Variants in BTN3A2 observed in about 807,000 individuals in gnomAD.
BTN3A2 encodes the protein butyrophilin subfamily 3 member A2.
BTN3A2 carries 25 observed loss-of-function variants against 37.6 expected under a neutral mutation model. The ratio of observed to expected loss-of-function variants is 0.66; its 90% CI spans 0.48 to 0.93. The LOEUF (loss-of-function observed/expected upper bound fraction) is 0.93, where lower values mean the gene tolerates loss of function less well. Among genes scored for constraint, BTN3A2 ranks in the 40% least tolerant of loss-of-function variants. The pLI, the probability that BTN3A2 is intolerant of heterozygous loss-of-function variation, is 0.00. For synonymous variants in BTN3A2, 122 were observed against 159.4 expected, an observed-to-expected ratio of 0.77 and a Z score of 1.77; for missense variants, 266 against 410.9, an observed-to-expected ratio of 0.65 and a Z score of 3.05.
chr6:26,377,251 T>C lies in BTN3A2; in HGVS notation c.*1489T>C, dbSNP rs199952332. On this transcript the variant is annotated 3_prime_UTR_variant, in exon 11 of 11. Transcript: ENST00000377708. ...CAGCCTGGAGCTAAGGGTCTCACCC[T>C]CCACAACAGCCAGTCAGAACCATAA... is the stretch of plus-strand genomic sequence containing the variant. 3 of 842,410 alleles carry C rather than the reference T, an allele frequency of 3.6e-6. No homozygotes were observed. 52.2% of individuals were successfully genotyped at this position (842,410 alleles called of 1,614,324 possible).
Position 26,377,149 on chromosome 6 carries a change from A to C in BTN3A2, c.*1387A>C. ...GACCTAGTGCCTGATCATTCCCTGG[A>C]GATACCACTGACCCCAGGCTTAGCT... On this transcript the variant is annotated 3_prime_UTR_variant, in exon 11 of 11. Transcript: ENST00000377708. 7.8e-7 allele frequency: 1 copy of C among 1,276,388 alleles called. No individual in the cohort carries two copies. The highest frequency in any genetic ancestry group is 1.5e-5 in the African/African-American group (1 of 68,674). The allele number at this position is 1,276,388 out of a possible 1,614,324, so 79.1% of individuals were successfully genotyped here.
intron 10 of BTN3A2, chr6:26,375,541 C>A: frequency 8.0e-7 from 1 of 1,245,140 alleles, no homozygotes; most frequent in Non-Finnish European, 1.1e-6. Flanking sequence ...AACACAGCAG[C>A]AAACCAGAGG....
chr6:26,372,743 A>T, intron 5 of BTN3A2, 154 bp from the exon 6 acceptor site: 1 of 836,710 alleles, frequency 1.2e-6, no homozygotes, highest in Non-Finnish European at 1.8e-6. Flanking sequence ...TCTTATCTAT[A>T]GTCCTCTGAG....
At position 26,370,441 on chromosome 6, in the gene BTN3A2, G is replaced by A. The variant is rs1458506669; in HGVS notation, c.553G>A (p.Glu185Lys). 6 of 1,614,102 alleles carry A rather than the reference G, an allele frequency of 3.7e-6. No homozygotes were observed. Among genetic ancestry groups the A allele is most frequent in the Admixed American group, 3.3e-5 (2 of 60,006 alleles). The change falls in exon 5 of 11, where the codon GAG becomes AAG. Residue 185 changes from glutamate (E) to lysine (K), a missense_variant. Glu to Lys is a moderately conservative substitution (Grantham distance 56). Coordinates refer to ENST00000377708, the MANE Select transcript of BTN3A2 (RefSeq NM_007047.5). The stretch of plus-strand genomic sequence containing the variant: ...AATACAGTGGAGCAACGCCAAGGGA[G>A]AGAACATCCCAGCTGTGGAAGCACC... ...PQIQWSNAKG[E>K]NIPAVEAPVV... is the part of the protein sequence containing the mutation.
chr6:26,370,703 A>C (rs1388124486), intron 5 of BTN3A2, 100 bp downstream of exon 5: 1 of 1,556,624 alleles, frequency 6.4e-7, no homozygotes, highest in Non-Finnish European at 8.7e-7. Context: ...CTCTGCACTG[A>C]ATATAAGGCC....
At chr6:26,373,192 T>G in intron 6 of BTN3A2, 84 bp from the exon 7 acceptor site, 4 of 1,603,110 alleles carry the variant, frequency 2.5e-6, no homozygotes, top group Admixed American at 1.7e-5. Context: ...GCATCATGTT[T>G]AAGGTTTATT....
At chr6:26,369,242 T>C (rs893425994) in intron 4 of BTN3A2, among the ~76,000 whole-genome samples, 15 of 152,230 alleles carry the variant, frequency 9.9e-5, no homozygotes, top group African/African-American at 3.6e-4. Context: ...GTGTAACAGA[T>C]GGCTTCTGTT....
intron 1 of BTN3A2, among the ~76,000 whole-genome samples, chr6:26,365,568 A>G (rs1761988392): frequency 6.6e-6 from 1 of 151,474 alleles, no homozygotes; most frequent in African/African-American, 2.4e-5. Flanking sequence ...ACGTGGGAAG[A>G]CGGGAGAAGT....
intron 1 of BTN3A2, 134 bp downstream of exon 1, chr6:26,365,486 G>GTGTGTA: frequency 4.9e-6 from 3 of 611,120 alleles, no homozygotes; most frequent in Non-Finnish European, 8.2e-6. Flanking sequence ...GTGTGTGTGT[G>GTGTGTA]TGTGTGTGTG....
rs1436949173 is a variant in BTN3A2 at position 26,375,545 on chromosome 6, C to A, written c.*35-252C>A. 7.8e-6 allele frequency: 10 copies of A among 1,277,666 alleles called. No individual in the cohort carries two copies. The East Asian group carries it at 2.3e-4, about 29-fold the overall frequency. The allele number at this position is 1,277,666 out of a possible 1,614,324, so 79.1% of individuals were successfully genotyped here. A position where few individuals can be genotyped will look rare whatever the true frequency, so the allele number is the denominator to read the frequency against. ...CCCATTGGCCAAACACAGCAGCAAA[C>A]CAGAGGACAAGGGAGCCCAGTGGCA... On this transcript the variant is annotated intron_variant, in intron 10 of 10. Coordinates refer to ENST00000377708, the MANE Select transcript of BTN3A2 (RefSeq NM_007047.5).
At chr6:26,374,585 C>T (rs72841532) in intron 9 of BTN3A2, 186 bp from the exon 10 acceptor site, 17 of 854,812 alleles carry the variant, frequency 2.0e-5, no homozygotes, top group Non-Finnish European at 2.9e-5. Flanking sequence ...CCCCATGACA[C>T]AGGGAGCCAA....
chr6:26,376,911 A>C lies in BTN3A2; in HGVS notation c.*1149A>C. ...TCTCACTGAGCCCAGAACCAACCTGAAACTTCCTGAGCCTCCTAGGAAAGT... is the reference window on the plus strand; with the variant it reads ...TCTCACTGAGCCCAGAACCAACCTGCAACTTCCTGAGCCTCCTAGGAAAGT... On this transcript the variant is annotated 3_prime_UTR_variant, in exon 11 of 11. Coordinates refer to ENST00000377708, the MANE Select transcript of BTN3A2 (RefSeq NM_007047.5). 6.2e-7 allele frequency: 1 copy of C among 1,613,730 alleles called. No homozygotes were observed. Among genetic ancestry groups the C allele is most frequent in the Non-Finnish European group, 8.5e-7 (1 of 1,179,782 alleles).
intron 6 of BTN3A2, 39 bp from the exon 7 acceptor site, chr6:26,373,237 C>CTTT (rs750198408): frequency 4.0e-4 from 535 of 1,350,144 alleles, no homozygotes; most frequent in South Asian, 8.9e-4. Context: ...AACAGTTCAT[C>CTTT]TTTTTTTTTT....
intron 5 of BTN3A2, 66 bp from the exon 6 acceptor site, chr6:26,372,831 G>T: frequency 6.3e-7 from 1 of 1,587,232 alleles, no homozygotes; most frequent in South Asian, 1.1e-5. Flanking sequence ...GCTAAAGCTT[G>T]GGGTGCTGCA....
At position 26,376,726 on chromosome 6, in the gene BTN3A2, T is replaced by G. The variant is rs534814181; in HGVS notation, c.*964T>G. ...TGTGTGCTTGGCTGTGAAAGCTTCA[T>G]GTCAGAGAGACACTACTGGGAGGTG... On this transcript the variant is annotated 3_prime_UTR_variant, in exon 11 of 11. Coordinates refer to ENST00000377708, the MANE Select transcript of BTN3A2 (RefSeq NM_007047.5). 6.3e-7 allele frequency: 1 copy of G among 1,585,264 alleles called. No homozygotes were observed. Among genetic ancestry groups the G allele is most frequent in the Non-Finnish European group, 8.7e-7 (1 of 1,154,444 alleles).
intron 1 of BTN3A2, among the ~76,000 whole-genome samples, chr6:26,365,699 A>C (rs1581530125): frequency 6.6e-6 from 1 of 152,160 alleles, no homozygotes; most frequent in East Asian, 1.9e-4. Flanking sequence ...AGGGCAAACA[A>C]ACAAACAAAC....
At position 26,372,945 on chromosome 6, in the gene BTN3A2, C is replaced by A; in HGVS notation, c.764C>A (p.Thr255Asn). 1 of 1,614,184 alleles carries A rather than the reference C, an allele frequency of 6.2e-7. No individual in the cohort carries two copies. Among genetic ancestry groups the A allele is most frequent in the East Asian group, 2.2e-5 (1 of 44,888 alleles). The change falls in exon 6 of 11, where the codon ACC (threonine) becomes AAC (asparagine). Residue 255 changes from threonine (T) to asparagine (N), a missense_variant. Physicochemically the swap from Thr to Asn is moderately conservative, Grantham distance 65. This residue lies in a region of BTN3A2 where 204 missense variants were observed against 232.6 expected (regional missense o/e 0.88). Coordinates refer to ENST00000377708, the MANE Select transcript of BTN3A2 (RefSeq NM_007047.5). The part of the protein sequence containing the change: ...AQPWIAALAG[T>N]LPILLLLLAG... ...CCCTGGATCGCAGCCCTGGCAGGGA[C>A]CCTGCCTATCTTGCTGCTGCTTCTC...
Position 26,368,332 on chromosome 6 carries a change from A to G in BTN3A2, c.85+65A>G, listed in dbSNP as rs569883680. The G allele has an allele frequency of 2.3e-4, 356 of 1,578,336 alleles. 4 individuals carry two copies. The East Asian group carries it at 7.7e-3, about 34-fold the overall frequency. On this transcript the variant is annotated intron_variant, in intron 3 of 10. Coordinates refer to ENST00000377708, the MANE Select transcript of BTN3A2 (RefSeq NM_007047.5). ...AGCAGACAATTATCTCAATTACCTAATTAAGCAGACAATTACCTAAATGCC... is the reference window on the plus strand; with the variant it reads ...AGCAGACAATTATCTCAATTACCTAGTTAAGCAGACAATTACCTAAATGCC...
rs1205553230 is a variant in BTN3A2, at chr6:26,376,022, C to G, written c.*260C>G. The G allele has an allele frequency of 1.7e-6, 1 of 585,130 alleles. No homozygotes were observed. The highest frequency in any genetic ancestry group is 3.3e-5 in the East Asian group (1 of 30,048). The allele number at this position is 585,130 out of a possible 1,614,324, so 36.2% of individuals were successfully genotyped here. A position where few individuals can be genotyped will look rare whatever the true frequency, so the allele number is the denominator to read the frequency against. The stretch of plus-strand genomic sequence containing the variant: ...GAGATCAAGACCATCCTGGCTAACA[C>G]GGTGAAACCCCGTCTCTACTAAAAA... On this transcript the variant is annotated 3_prime_UTR_variant, in exon 11 of 11. Coordinates refer to ENST00000377708, the MANE Select transcript of BTN3A2 (RefSeq NM_007047.5).
Sources: gnomAD v4.1 joint callset for allele counts (sites outside exome capture counted in the v4.1 genomes callset) on GRCh38, gnomAD v4.1.1 for gene constraint, gnomAD v4.1.1 regional missense constraint, MANE v1.5 for transcripts, NCBI Gene and HGNC (gene_info 2026-07-23, HGNC 2026-07-21) for gene names.